ANXA8: variants seen among roughly 807,000 people sequenced by gnomAD.
ANXA8 encodes the protein VAC-beta.
Under a neutral mutation model 26.8 loss-of-function variants are expected in ANXA8, and 9 were observed. The observed-to-expected ratio is 0.34, with a 90% CI of 0.20 to 0.59. The LOEUF (loss-of-function observed/expected upper bound fraction) is 0.59. Among genes scored for constraint, ANXA8 ranks in the 20% least tolerant of loss-of-function variants. ANXA8 has a pLI of 0.84. For synonymous variants in ANXA8, 39 were observed against 94.8 expected (o/e 0.41, Z 3.42); for missense variants, 83 against 238.5 (o/e 0.35, Z 4.29).
the ANXA8 span, among the ~76,000 whole-genome samples, chr10:47,508,029 G>C: frequency 3.1e-5 from 4 of 129,406 alleles, 1 homozygote; most frequent in African/African-American, 1.1e-4. Flanking sequence ...CAAGAAGCTG[G>C]GACTACAAGT....
chr10:47,651,605 C>T, the ANXA8 span, among the ~76,000 whole-genome samples: 11 of 149,860 alleles, frequency 7.3e-5, no homozygotes, highest in African/African-American at 2.0e-4. Flanking sequence ...ATAAACAATA[C>T]GTGGTCCAGC....
chr10:47,745,540 T>A, the ANXA8 span, among the ~76,000 whole-genome samples: 1 of 16,152 alleles, frequency 6.2e-5, no homozygotes. Context: ...ATTTCCACAG[T>A]GCAAAATAGC....
At chr10:47,645,326 C>T in the ANXA8 span, among the ~76,000 whole-genome samples, 1 of 146,996 alleles carries the variant, frequency 6.8e-6, no homozygotes, top group Non-Finnish European at 1.5e-5. Context: ...TAGTGGGAGA[C>T]GTTACTAAAG....
chr10:47,590,506 T>C, the ANXA8 span, among the ~76,000 whole-genome samples: 3 of 146,604 alleles, frequency 2.0e-5, no homozygotes, highest in Non-Finnish European at 4.4e-5. Flanking sequence ...TATAATCTCC[T>C]TAGGAGCACA....
At chr10:47,920,679 C>T in the ANXA8 span, 1 of 114,466 alleles carries the variant, frequency 8.7e-6, no homozygotes, top group South Asian at 3.3e-4. Flanking sequence ...CAGTGTTTTA[C>T]AAGATGGGGT....
At chr10:47,595,063 G>T in the ANXA8 span, among the ~76,000 whole-genome samples, 3 of 148,698 alleles carry the variant, frequency 2.0e-5, no homozygotes. Context: ...ACTAACAGTG[G>T]ACTTCTCAGA....
chr10:47,582,162 G>A, the ANXA8 span: 1 of 151,840 alleles, frequency 6.6e-6, no homozygotes, highest in Non-Finnish European at 1.4e-5. Context: ...CCATCTCTCT[G>A]GTGTTCCCCT....
At chr10:47,941,484 G>A in the ANXA8 span, among the ~76,000 whole-genome samples, 1 of 146,720 alleles carries the variant, frequency 6.8e-6, no homozygotes, top group East Asian at 2.1e-4. Context: ...GTGAAACCCC[G>A]CCTCTGCTAA....
the ANXA8 span, among the ~76,000 whole-genome samples, chr10:47,763,937 T>A: frequency 4.6e-5 from 7 of 152,032 alleles, no homozygotes; most frequent in Admixed American, 4.6e-4. Flanking sequence ...CCAGTCAGTG[T>A]GCGTGAGGCT....
rs1321170863 is a variant in ANXA8 at position 47,468,011 on chromosome 10, C to CT, written c.*835dup. ...AAGATACTTTGAGTTGAATACAAAT[C>CT]TTTATTATTTTGAAAACCACAGCAA... On this transcript the variant is annotated 3_prime_UTR_variant, in exon 12 of 12. Transcript: ENST00000585281. The CT allele has an allele frequency of 1.8e-4, 27 of 149,074 alleles. No individual in the cohort carries two copies. In the East Asian group the frequency reaches 5.3e-3, roughly 29 times the overall value. 9.2% of individuals were successfully genotyped at this position (149,074 alleles called of 1,614,324 possible). A position where few individuals can be genotyped will look rare whatever the true frequency, so the allele number is the denominator to read the frequency against.
At chr10:47,945,840 G>A in the ANXA8 span, among the ~76,000 whole-genome samples, 3 of 126,208 alleles carry the variant, frequency 2.4e-5, no homozygotes, top group Non-Finnish European at 4.8e-5. Flanking sequence ...GACCTGTGAT[G>A]CAAGTTACAG....
chr10:47,968,818 T>C, the ANXA8 span, among the ~76,000 whole-genome samples: 2 of 148,130 alleles, frequency 1.4e-5, no homozygotes, highest in Non-Finnish European at 3.0e-5. Flanking sequence ...TAAAAGGGAT[T>C]ACCCAAGCAA....
the ANXA8 span, chr10:47,502,492 C>T: frequency 5.6e-6 from 9 of 1,613,042 alleles, no homozygotes; most frequent in Non-Finnish European, 6.8e-6. Flanking sequence ...CTGGCTGCTC[C>T]CTTCCCAGAT....
chr10:47,632,254 G>A, the ANXA8 span, among the ~76,000 whole-genome samples: 1 of 150,344 alleles, frequency 6.7e-6, no homozygotes, highest in Non-Finnish European at 1.5e-5. Flanking sequence ...TAAAAATAAA[G>A]CAAGAAAAAT....
chr10:47,506,643 TTTTG>T, the ANXA8 span, among the ~76,000 whole-genome samples: 7 of 141,948 alleles, frequency 4.9e-5, no homozygotes, highest in African/African-American at 7.7e-5. Flanking sequence ...TTATTGCTTT[TTTTG>T]TTTGTTTGTT....
chr10:47,980,380 C>T, the ANXA8 span, among the ~76,000 whole-genome samples: 1 of 151,010 alleles, frequency 6.6e-6, no homozygotes, highest in Non-Finnish European at 1.5e-5. Context: ...GAAGCGCAAA[C>T]TAAGCCCAAA....
chr10:47,547,359 G>A, the ANXA8 span, among the ~76,000 whole-genome samples: 1 of 141,550 alleles, frequency 7.1e-6, no homozygotes, highest in South Asian at 2.3e-4. Context: ...GCATAGAACA[G>A]TGTATAAAAT....
chr10:47,946,320 T>C, the ANXA8 span, among the ~76,000 whole-genome samples: 1 of 150,308 alleles, frequency 6.7e-6, no homozygotes, highest in African/African-American at 2.5e-5. Context: ...CATGTATTCT[T>C]GCGATGGTTG....
the ANXA8 span, chr10:47,563,763 T>C: frequency 3.0e-5 from 24 of 802,996 alleles, no homozygotes; most frequent in Non-Finnish European, 1.3e-5. Flanking sequence ...TAAGATGCTA[T>C]AGAAATATAC....
Sources: allele counts gnomAD v4.1 joint callset (sites outside exome capture counted in the v4.1 genomes callset), GRCh38; gene constraint gnomAD v4.1.1; transcripts MANE v1.5; gene names NCBI Gene and HGNC (gene_info 2026-07-23, HGNC 2026-07-21).